The following BAZ2A variants were observed in gnomAD, a reference collection of about 807,000 sequenced individuals.
BAZ2A encodes bromodomain adjacent to zinc finger domain 2A.
A neutral mutation model predicts 199.9 loss-of-function variants in BAZ2A; 34 were observed. The observed-to-expected ratio is 0.17, with a 90% confidence interval of 0.13 to 0.23. The LOEUF is 0.23. Among genes scored for constraint, BAZ2A ranks in the 10% least tolerant of loss-of-function variants. The pLI is 1.00. For missense variants in BAZ2A, 2,002 were observed against 2,391.1 expected, an observed-to-expected ratio of 0.84 and a Z score of 3.39; for synonymous variants, 857 against 883.9, an observed-to-expected ratio of 0.97 and a Z score of 0.54.
rs771327336 is a variant in BAZ2A at position 56,605,817 on chromosome 12, C to A, written c.2493+13G>T. ...CCCAGCTGACCCAGGAACTGTTACT[C>A]TCTCCTCACTACCTGGTGGTCAGTC... On this transcript the variant is annotated intron_variant, in intron 13 of 28. Coordinates refer to ENST00000549884, the MANE Select transcript of BAZ2A (RefSeq NM_001300905.2). The A allele has an allele frequency of 6.2e-7, 1 of 1,601,746 alleles. No homozygotes were observed. The highest frequency in any genetic ancestry group is 1.7e-5 in the Admixed American group (1 of 58,546).
chr12:56,604,997 A>G (rs1162270611), intron 14 of BAZ2A, 76 bp downstream of exon 14: 49 of 1,502,430 alleles, frequency 3.3e-5, no homozygotes, highest in East Asian at 2.5e-4. Flanking sequence ...ATGGAAAAAT[A>G]TAAGGAAAAG....
At position 56,615,138 on chromosome 12, in the gene BAZ2A, T is replaced by G. The variant is rs1167880018; in HGVS notation, c.606A>C (p.Ala202=). ...PMLGSSIQTF[A]PSQEVGSGIH... is the part of the protein sequence containing the mutation. ...TACCACTGCCTACCTCCTGGGAGGGTGCAAAGGTTTGAATGCTAGATCCCA... is the reference window on the plus strand; with the variant it reads ...TACCACTGCCTACCTCCTGGGAGGGGGCAAAGGTTTGAATGCTAGATCCCA... Residue 202 remains alanine (A), a synonymous_variant, in exon 3 of 29, where the codon GCA becomes GCC. Transcript: ENST00000549884. The G allele has an allele frequency of 3.7e-6, 6 of 1,613,244 alleles. No individual in the cohort carries two copies. The African/African-American group carries it at 8.0e-5, about 22-fold the overall frequency.
In BAZ2A at chr12:56,610,174, G is replaced by A; in HGVS notation, c.1821C>T (p.His607=). The A allele has an allele frequency of 6.2e-7, 1 of 1,614,004 alleles. No individual in the cohort carries two copies. The highest frequency in any genetic ancestry group is 8.5e-7 in the Non-Finnish European group (1 of 1,179,884). ...CAGGCATACGGGGACTGAAGCTGAA[G>A]TGCTCTCGGCGGACACTGTGTACCA... is the stretch of plus-strand genomic sequence containing the variant. ...RNVVHSVRRE[H]FSFSPRMPVG... Residue 607 remains histidine, a synonymous_variant, in exon 9 of 29, where the codon CAC becomes CAT. Coordinates refer to ENST00000549884, the MANE Select transcript of BAZ2A (RefSeq NM_001300905.2).
chr12:56,625,160 T>TTC (rs1951044022), intron 1 of BAZ2A, among the ~76,000 whole-genome samples: 1 of 146,748 alleles, frequency 6.8e-6, no homozygotes, highest in Non-Finnish European at 1.5e-5. Context: ...ATTTCTTTTT[T>TTC]TTTTTTTTTT....
rs1430303293 is a variant in BAZ2A, at chr12:56,617,452, A to G, written c.79T>C (p.Ser27Pro). 6.2e-7 allele frequency: 1 copy of G among 1,607,566 alleles called. No homozygotes were observed. The highest frequency in any genetic ancestry group is 8.5e-7 in the Non-Finnish European group (1 of 1,177,072). ...CCGTTAGTGTAGAGGCCCTCCCCTG[A>G]GGAAGGAGAGGGTTTCAGTCCTGAG... The part of the protein sequence containing the change: ...AASGLKPSPS[S>P]GEGLYTNGSP... The change falls in exon 2 of 29, where the codon TCA becomes CCA. Residue 27 changes from serine (S) to proline (P), a missense_variant. By Grantham distance (74) the Ser-to-Pro change is moderately conservative (BLOSUM62 -1). Around this residue, in one of 6 missense-constraint regions of BAZ2A, gnomAD observed 641 missense variants for 694.5 expected, o/e 0.92. Coordinates refer to ENST00000549884, the MANE Select transcript of BAZ2A (RefSeq NM_001300905.2).
chr12:56,612,571 G>T (rs1317015521), intron 5 of BAZ2A, among the ~76,000 whole-genome samples: 1 of 152,148 alleles, frequency 6.6e-6, no homozygotes, highest in Non-Finnish European at 1.5e-5. Context: ...ACCTCTTTTA[G>T]TTCCACCATA....
At chr12:56,625,780 G>A (rs1283463044) in intron 1 of BAZ2A, among the ~76,000 whole-genome samples, 1 of 150,144 alleles carries the variant, frequency 6.7e-6, no homozygotes, top group Non-Finnish European at 1.5e-5. Context: ...GGAGGCTGAG[G>A]CAGGAGAATG....
Position 56,612,140 on chromosome 12 carries a change from T to C in BAZ2A, c.1242A>G (p.Ser414=). The part of the protein sequence containing the change: ...PSLTQPAPDQ[S]STIQLHPATS... ...TTGCTGGATGTAGCTGAATAGTGGA[T>C]GACTGATCAGGAGCTGGCTGGGTCA... The change falls in exon 6 of 29, where the codon TCA becomes TCG. Residue 414 remains serine (S), a synonymous_variant. Transcript: ENST00000549884. The C allele has an allele frequency of 6.2e-7, 1 of 1,613,932 alleles. No homozygotes were observed. Among genetic ancestry groups the C allele is most frequent in the Non-Finnish European group, 8.5e-7 (1 of 1,179,874 alleles).
At chr12:56,603,297 G>A in intron 18 of BAZ2A, 62 bp downstream of exon 18, 1 of 1,524,696 alleles carries the variant, frequency 6.6e-7, no homozygotes, top group African/African-American at 1.4e-5. Context: ...GTTTAAAAAA[G>A]AAGCTGATCA....
chr12:56,614,601 C>T (rs960033947), intron 3 of BAZ2A, among the ~76,000 whole-genome samples: 4 of 152,206 alleles, frequency 2.6e-5, no homozygotes, highest in African/African-American at 7.2e-5. Context: ...TTCCCTCCTT[C>T]GCATGCCAAT....
chr12:56,623,003 G>A (rs749583516), intron 1 of BAZ2A, among the ~76,000 whole-genome samples: 2 of 152,066 alleles, frequency 1.3e-5, no homozygotes, highest in Non-Finnish European at 2.9e-5. Context: ...TTGGGAGGCC[G>A]AGGTGAGCGG....
At position 56,601,330 on chromosome 12, in the gene BAZ2A, G is replaced by A; in HGVS notation, c.4144C>T (p.Pro1382Ser). Residue 1382 changes from proline to serine, a missense_variant, in exon 21 of 29, where the codon CCT (proline) becomes TCT (serine). Pro to Ser is a moderately conservative substitution (Grantham distance 74). Around this residue, in one of 6 missense-constraint regions of BAZ2A, gnomAD observed 1,081 missense variants for 1,274.7 expected, o/e 0.85. Transcript: ENST00000549884. ...CCAGGGTCTCCTGCTCGCCTCTTAG[G>A]GGCCAACCCAGCCAAGGGCGTGGAA... ...FSSTPLAGLA[P>S]KRRAGDPGEM... 3 of 1,613,994 alleles carry A rather than the reference G, an allele frequency of 1.9e-6. No homozygotes were observed. Among genetic ancestry groups the A allele is most frequent in the Non-Finnish European group, 2.5e-6 (3 of 1,179,886 alleles).
chr12:56,608,045 G>A (rs1292243598), intron 10 of BAZ2A, among the ~76,000 whole-genome samples: 1 of 146,502 alleles, frequency 6.8e-6, no homozygotes, highest in Non-Finnish European at 1.5e-5. Flanking sequence ...TTGCACTCCA[G>A]CCTGGGCAAC....
At position 56,615,826 on chromosome 12, in the gene BAZ2A, G is replaced by A. The variant is rs369389132; in HGVS notation, c.137-219C>T. ...GCTGCTGAGGCTGAGTAGGGGGCTA[G>A]AGAGCTCTCCAGGCCTACCATGAGA... On this transcript the variant is annotated intron_variant, in intron 2 of 28. Transcript: ENST00000549884. Among the ~76,000 whole-genome samples the A allele has an allele frequency of 1.5e-4, 23 of 152,290 alleles. No individual in the cohort carries two copies. The East Asian group carries it at 3.5e-3, about 23-fold the overall frequency.
intron 11 of BAZ2A, 92 bp from the exon 12 acceptor site, chr12:56,606,404 G>C (rs1950356282): frequency 3.5e-6 from 5 of 1,447,556 alleles, no homozygotes. Context: ...TGCTGGGGAG[G>C]AGAGGTGAGA....
At chr12:56,625,868 T>A (rs1157331217) in intron 1 of BAZ2A, among the ~76,000 whole-genome samples, 1 of 89,686 alleles carries the variant, frequency 1.1e-5, no homozygotes. Flanking sequence ...ACAGCGAAAC[T>A]CCGTCTCAAA....
upstream of BAZ2A, among the ~76,000 whole-genome samples, chr12:56,632,542 T>A (rs1951342695): frequency 6.6e-6 from 1 of 152,006 alleles, no homozygotes; most frequent in Non-Finnish European, 1.5e-5. Context: ...AGCCGGTTAC[T>A]CCTGTGCCCC....
intron 13 of BAZ2A, 46 bp downstream of exon 13, chr12:56,605,784 A>C (rs750082048): frequency 1.3e-6 from 2 of 1,526,644 alleles, no homozygotes; most frequent in Non-Finnish European, 1.8e-6. Flanking sequence ...TTTTTAAAGG[A>C]AAGTCTTCCC....
rs777093170 is a variant in BAZ2A, at chr12:56,603,568, C to T, written c.3171G>A (p.Glu1057=). Reference sequence around the variant, plus strand: ...GGCCAGGGACAGCTGCTATAGACTCCTCTTCTTCCTCTTCTTCCATGCCAC... The same window carrying T: ...GGCCAGGGACAGCTGCTATAGACTCTTCTTCTTCCTCTTCTTCCATGCCAC... ...ETSGMEEEEE[E]ESIAAVPGRR... is the part of the protein sequence containing the mutation. The change falls in exon 17 of 29, where the codon GAG becomes GAA. Residue 1057 remains glutamate, a synonymous_variant. Coordinates refer to ENST00000549884, the MANE Select transcript of BAZ2A (RefSeq NM_001300905.2). 9 of 1,613,980 alleles carry T rather than the reference C, an allele frequency of 5.6e-6. No individual in the cohort carries two copies. The highest frequency in any genetic ancestry group is 5.5e-5 in the South Asian group (5 of 91,078).
Sources: gnomAD v4.1 joint callset for allele counts (sites outside exome capture counted in the v4.1 genomes callset) on GRCh38, gnomAD v4.1.1 for gene constraint, gnomAD v4.1.1 regional missense constraint, MANE v1.5 for transcripts, NCBI Gene and HGNC (gene_info 2026-07-23, HGNC 2026-07-21) for gene names.